Variants in SOCS7 observed in about 807,000 individuals in gnomAD.
SOCS7 encodes NAP-4.
In SOCS7, 18 loss-of-function variants were observed where a neutral mutation model predicts 58.9. The ratio of observed to expected loss-of-function variants is 0.31; its 90% CI spans 0.21 to 0.45. SOCS7 has a LOEUF of 0.45. SOCS7 is among the 20% of genes least tolerant of loss of function. The pLI is 1.00. For missense variants in SOCS7, 667 were observed against 837.3 expected (o/e 0.80, Z 2.51); for synonymous variants, 388 against 364.3 (o/e 1.06, Z -0.74).
chr17:38,366,144 C>T (rs1210883050), intron 4 of SOCS7, 143 bp from the exon 5 acceptor site: 3 of 1,305,080 alleles, frequency 2.3e-6, no homozygotes, highest in Non-Finnish European at 3.1e-6. Flanking sequence ...AGCTCTTTGC[C>T]ACTGCTTTGG....
At chr17:38,361,135 T>C (rs869225144) in intron 1 of SOCS7, among the ~76,000 whole-genome samples, 1 of 152,208 alleles carries the variant, frequency 6.6e-6, no homozygotes, top group Non-Finnish European at 1.5e-5. Flanking sequence ...GCAGAGCCCC[T>C]AATCTGAGGA....
chr17:38,377,266 C>A (rs904536826), intron 6 of SOCS7, among the ~76,000 whole-genome samples: 1 of 152,064 alleles, frequency 6.6e-6, no homozygotes, highest in Non-Finnish European at 1.5e-5. Context: ...GGTTGAGTAT[C>A]CCTAATCTGA....
intron 7 of SOCS7, among the ~76,000 whole-genome samples, chr17:38,385,300 C>T (rs1422434817): frequency 6.6e-6 from 1 of 151,922 alleles, no homozygotes; most frequent in Non-Finnish European, 1.5e-5. Flanking sequence ...TTACCTATTG[C>T]TTCTCCATGA....
At chr17:38,389,868 C>CATATATATATGTACAT (rs2038135319) in intron 7 of SOCS7, among the ~76,000 whole-genome samples, 1 of 18,630 alleles carries the variant, frequency 5.4e-5, no homozygotes, top group Non-Finnish European at 1.0e-4. Context: ...TATGTGTGTA[C>CATATATATATGTACAT]ATATATATAT....
At chr17:38,381,312 G>C (rs1228031086) in intron 7 of SOCS7, among the ~76,000 whole-genome samples, 1 of 152,112 alleles carries the variant, frequency 6.6e-6, no homozygotes, top group Non-Finnish European at 1.5e-5. Context: ...GCTTATAAAG[G>C]GGAAGGCATT....
intron 6 of SOCS7, among the ~76,000 whole-genome samples, chr17:38,369,344 G>A (rs1567740555): frequency 6.6e-6 from 1 of 152,254 alleles, no homozygotes; most frequent in Admixed American, 6.5e-5. Context: ...AGCTGTTTAG[G>A]TCAGCATAGC....
chr17:38,399,487 T>A (rs1344491978), intron 9 of SOCS7, 26 bp from the exon 10 acceptor site: 1 of 152,552 alleles, frequency 6.6e-6, no homozygotes, highest in Non-Finnish European at 1.5e-5. Context: ...TTGAACTGTT[T>A]TAATTTTTTT....
chr17:38,353,740 AAAAC>A (rs771206974), intron 1 of SOCS7, among the ~76,000 whole-genome samples: 39 of 152,198 alleles, frequency 2.6e-4, no homozygotes, highest in Non-Finnish European at 4.3e-4. Flanking sequence ...CCATCTCTAC[AAAAC>A]AAACAAACAA....
Position 38,402,605 on chromosome 17 carries a change from C to T in SOCS7, c.*3123C>T, listed in dbSNP as rs2144420510. 6.6e-6 allele frequency: 1 copy of T among 152,422 alleles called. No individual in the cohort carries two copies. Among genetic ancestry groups the T allele is most frequent in the African/African-American group, 2.4e-5 (1 of 41,574 alleles). 9.4% of individuals were successfully genotyped at this position (152,422 alleles called of 1,614,324 possible). A position where few individuals can be genotyped will look rare whatever the true frequency, so the allele number is the denominator to read the frequency against. The stretch of plus-strand genomic sequence containing the variant: ...ATTAGCTGGGCATGGTGGCATGCGC[C>T]TGTAGTCCCAGCTACTTGGGAGGCT... On this transcript the variant is annotated 3_prime_UTR_variant, in exon 10 of 10. Transcript: ENST00000612932.
At chr17:38,365,060 T>C (rs372547881) in intron 3 of SOCS7, among the ~76,000 whole-genome samples, 3 of 152,198 alleles carry the variant, frequency 2.0e-5, no homozygotes, top group African/African-American at 7.2e-5. Flanking sequence ...CATATATTAA[T>C]TCAGTTTACA....
Position 38,377,712 on chromosome 17 carries a change from AG to A in SOCS7, c.1553del. On this transcript the variant is annotated splice_acceptor_variant, in intron 6 of 9. Transcript: ENST00000612932. LOFTEE classifies it high-confidence loss of function. Reference sequence around the variant, plus strand: ...TTTTTACTTCTTAATTTTCCATGGCAGGAACCTTCAGCCTGTGGTGTCATCC... The same window carrying A: ...TTTTTACTTCTTAATTTTCCATGGCAGAACCTTCAGCCTGTGGTGTCATCC... 1 of 1,602,682 alleles carries A rather than the reference AG, an allele frequency of 6.2e-7. No individual in the cohort carries two copies. The highest frequency in any genetic ancestry group is 8.5e-7 in the Non-Finnish European group (1 of 1,176,800).
At chr17:38,390,709 CTT>C (rs776122052) in intron 7 of SOCS7, among the ~76,000 whole-genome samples, 3 of 119,998 alleles carry the variant, frequency 2.5e-5, no homozygotes, top group Admixed American at 8.8e-5. Context: ...TTCTTTCTGT[CTT>C]TTTTTTTTTT....
chr17:38,358,277 A>G (rs2037666782), intron 1 of SOCS7, among the ~76,000 whole-genome samples: 1 of 152,218 alleles, frequency 6.6e-6, no homozygotes, highest in Admixed American at 6.5e-5. Context: ...TAACATGGGA[A>G]TGTAGTATAG....
rs772423040 is a variant in SOCS7, at chr17:38,352,501, C to T, written c.449C>T (p.Pro150Leu). The T allele has an allele frequency of 3.9e-6, 6 of 1,540,314 alleles. No individual in the cohort carries two copies. The highest frequency in any genetic ancestry group is 1.4e-5 in the African/African-American group (1 of 72,880). ...GGGGGTTGCTGCCCGTGTCCGTGTC[C>T]TCCTCAGCCGCCCCCTCCGCAGCCC... ...VGGGCCPCPC[P>L]PQPPPPQPQP... Residue 150 changes from proline (P) to leucine (L), a missense_variant, in exon 1 of 10, where the codon CCT (proline) becomes CTT (leucine). Pro to Leu is a moderately conservative substitution (Grantham distance 98, BLOSUM62 -3). This residue lies in a region of SOCS7 where 154 missense variants were observed against 156.3 expected (regional missense o/e 0.98). Transcript: ENST00000612932. This position sits in a 1 kb window ranked among gnomAD's most constrained non-coding sequence, Gnocchi z 5.5.
At chr17:38,363,595 A>G (rs587746161) in intron 2 of SOCS7, among the ~76,000 whole-genome samples, 75 of 152,242 alleles carry the variant, frequency 4.9e-4, no homozygotes, top group Non-Finnish European at 1.8e-4. Flanking sequence ...TTGGCCTCCC[A>G]AAGTGTTGGA....
intron 2 of SOCS7, among the ~76,000 whole-genome samples, chr17:38,362,832 C>T (rs367755733): frequency 1.3e-5 from 2 of 152,176 alleles, no homozygotes; most frequent in African/African-American, 2.4e-5. Context: ...GGCTTGGTCA[C>T]GGTCACGGTG....
chr17:38,384,240 C>G (rs2038038696), intron 7 of SOCS7, among the ~76,000 whole-genome samples: 1 of 152,194 alleles, frequency 6.6e-6, no homozygotes, highest in Non-Finnish European at 1.5e-5. Context: ...CACTCCTGCC[C>G]TGTTTGTATA....
chr17:38,354,149 A>C (rs1026467997), intron 1 of SOCS7, among the ~76,000 whole-genome samples: 1 of 152,212 alleles, frequency 6.6e-6, no homozygotes, highest in Non-Finnish European at 1.5e-5. Context: ...GGTGTCAGTG[A>C]AATTAGTTAC....
intron 7 of SOCS7, among the ~76,000 whole-genome samples, chr17:38,394,521 C>T (rs1258366017): frequency 6.6e-6 from 1 of 152,182 alleles, no homozygotes; most frequent in African/African-American, 2.4e-5. Flanking sequence ...CTGAACCAGC[C>T]TCTGCTGAAC....
Sources: allele counts gnomAD v4.1 joint callset (sites outside exome capture counted in the v4.1 genomes callset), GRCh38; gene constraint gnomAD v4.1.1; regional missense constraint gnomAD v4.1.1; non-coding constraint Gnocchi (gnomAD v3.1); transcripts MANE v1.5; gene names NCBI Gene and HGNC (gene_info 2026-07-23, HGNC 2026-07-21).